SYT9: variants seen among roughly 807,000 people sequenced by gnomAD.
The protein encoded by SYT9 is synaptotagmin-9.
Under a neutral mutation model 48.4 loss-of-function variants are expected in SYT9, and 22 were observed. The ratio of observed to expected loss-of-function variants is 0.45; its 90% CI spans 0.32 to 0.65. The LOEUF is 0.65. SYT9 is among the 30% of genes least tolerant of loss of function. The probability of loss-of-function intolerance (pLI) is 0.03; values close to 1 mark genes in which losing one functional copy is unlikely to be tolerated. For missense variants in SYT9, 577 were observed against 622.0 expected (o/e 0.93, Z 0.77); for synonymous variants, 265 against 245.0 (o/e 1.08, Z -0.76).
intron 1 of SYT9, among the ~76,000 whole-genome samples, chr11:7,253,807 C>A (rs1395669021): frequency 6.6e-6 from 1 of 152,068 alleles, no homozygotes; most frequent in Non-Finnish European, 1.5e-5. Flanking sequence ...AGCTGGAGTC[C>A]CAGGAAGATG....
intron 1 of SYT9, among the ~76,000 whole-genome samples, chr11:7,253,175 T>A (rs1847905771): frequency 6.6e-6 from 1 of 152,254 alleles, no homozygotes; most frequent in African/African-American, 2.4e-5. Flanking sequence ...CATCCGTTAC[T>A]GGCTACTGGA....
chr11:7,326,382 T>G (rs1589947323), intron 3 of SYT9, among the ~76,000 whole-genome samples: 1 of 97,944 alleles, frequency 1.0e-5, no homozygotes, highest in Non-Finnish European at 2.0e-5. Flanking sequence ...TTTTTCTAGA[T>G]TTTCTAGTTT....
At chr11:7,382,690 C>A (rs1336597125) in intron 3 of SYT9, among the ~76,000 whole-genome samples, 1 of 152,136 alleles carries the variant, frequency 6.6e-6, no homozygotes, top group Non-Finnish European at 1.5e-5. Flanking sequence ...TTTCGTTGAC[C>A]GTAAGGAGCT....
chr11:7,275,700 T>C (rs1399633428), intron 1 of SYT9, among the ~76,000 whole-genome samples: 1 of 152,152 alleles, frequency 6.6e-6, no homozygotes. Flanking sequence ...CTCCTGGACA[T>C]CTCCATTTGC....
At chr11:7,294,297 CTA>C (rs1191707880) in intron 1 of SYT9, among the ~76,000 whole-genome samples, 5 of 152,198 alleles carry the variant, frequency 3.3e-5, no homozygotes, top group African/African-American at 9.6e-5. Context: ...CACCCAAAAT[CTA>C]TGTCCTTCTT....
upstream of SYT9, among the ~76,000 whole-genome samples, chr11:7,250,806 C>T (rs1847854028): frequency 6.6e-6 from 1 of 151,892 alleles, no homozygotes; most frequent in Non-Finnish European, 1.5e-5. Flanking sequence ...GGCACAACCT[C>T]ATGGCTAAGA....
chr11:7,274,474 G>T (rs942960064), intron 1 of SYT9, among the ~76,000 whole-genome samples: 2 of 151,910 alleles, frequency 1.3e-5, no homozygotes, highest in Non-Finnish European at 2.9e-5. Flanking sequence ...GCACCACCAT[G>T]CCCAGCTAAT....
intron 1 of SYT9, among the ~76,000 whole-genome samples, chr11:7,291,523 A>G (rs976295126): frequency 1.3e-5 from 2 of 152,146 alleles, no homozygotes; most frequent in Non-Finnish European, 2.9e-5. Flanking sequence ...ACATTGGCCC[A>G]TTGCTCCCAA....
At chr11:7,444,278 T>C (rs1243913747) in intron 6 of SYT9, 1 of 152,294 alleles carries the variant, frequency 6.6e-6, no homozygotes, top group Non-Finnish European at 1.5e-5. Flanking sequence ...CCAGAACATA[T>C]TCCCTGAGGT....
chr11:7,279,931 C>T (rs1395910), intron 1 of SYT9, among the ~76,000 whole-genome samples: 79,530 of 151,914 alleles, frequency 0.52, 20,900 homozygotes, highest in Middle Eastern at 0.59. Flanking sequence ...ATCTTTTGAG[C>T]AGTAAAATGG....
chr11:7,448,428 C>T (rs754104357), intron 6 of SYT9, among the ~76,000 whole-genome samples: 1 of 152,234 alleles, frequency 6.6e-6, no homozygotes. Context: ...CCGTTCAGGG[C>T]TCCAAATCCC....
intron 2 of SYT9, among the ~76,000 whole-genome samples, chr11:7,306,589 C>T (rs1224672458): frequency 2.6e-5 from 4 of 152,198 alleles, no homozygotes; most frequent in Non-Finnish European, 5.9e-5. Flanking sequence ...CAAGCCCCTT[C>T]CTGCCTTGAG....
intron 2 of SYT9, among the ~76,000 whole-genome samples, chr11:7,308,440 G>T (rs956705752): frequency 1.8e-4 from 28 of 152,186 alleles, no homozygotes; most frequent in African/African-American, 6.8e-4. Context: ...GTGCTGGCTT[G>T]TACAGAGCCT....
At chr11:7,283,833 A>C (rs1171704562) in intron 1 of SYT9, among the ~76,000 whole-genome samples, 1 of 152,156 alleles carries the variant, frequency 6.6e-6, no homozygotes, top group Non-Finnish European at 1.5e-5. Context: ...AGGAACTCGA[A>C]TGTGGAGCTA....
At chr11:7,379,876 G>T (rs1850528714) in intron 3 of SYT9, among the ~76,000 whole-genome samples, 1 of 152,142 alleles carries the variant, frequency 6.6e-6, no homozygotes, top group African/African-American at 2.4e-5. Context: ...ATGGAGAGCA[G>T]TTTGGAGGTT....
intron 1 of SYT9, among the ~76,000 whole-genome samples, chr11:7,259,725 T>C: frequency 6.6e-6 from 1 of 152,168 alleles, no homozygotes; most frequent in African/African-American, 2.4e-5. Flanking sequence ...TACCAGTTTA[T>C]TTTTTGAGAA....
At chr11:7,268,656 G>A (rs75725547) in intron 1 of SYT9, among the ~76,000 whole-genome samples, 5,337 of 151,920 alleles carry the variant, frequency 0.035, 149 homozygotes, top group African/African-American at 0.083. Context: ...AACTTTTGAC[G>A]ATGTATGCAA....
intron 2 of SYT9, among the ~76,000 whole-genome samples, chr11:7,303,765 T>A (rs1345125018): frequency 2.0e-5 from 3 of 152,224 alleles, no homozygotes; most frequent in Non-Finnish European, 4.4e-5. Context: ...AGGTCAGGAT[T>A]TGAACCCTGG....
intron 3 of SYT9, among the ~76,000 whole-genome samples, chr11:7,370,124 C>G (rs1850335856): frequency 6.6e-6 from 1 of 152,122 alleles, no homozygotes; most frequent in Non-Finnish European, 1.5e-5. Flanking sequence ...AGCTTAGCTC[C>G]CACATATCAG....
Sources: gnomAD v4.1 joint callset for allele counts (sites outside exome capture counted in the v4.1 genomes callset) on GRCh38, gnomAD v4.1.1 for gene constraint, MANE v1.5 for transcripts, NCBI Gene and HGNC (gene_info 2026-07-23, HGNC 2026-07-21) for gene names.